The following TMEM117 variants were observed in gnomAD, a reference collection of about 807,000 sequenced individuals.
TMEM117 encodes transmembrane protein 117.
TMEM117 carries 27 observed loss-of-function variants against 52.4 expected under a neutral mutation model. The observed-to-expected ratio is 0.51, with a 90% CI of 0.38 to 0.71. The LOEUF is 0.71. Ranked by LOEUF, TMEM117 falls within the 30% of genes least tolerant of loss-of-function variation. The probability of loss-of-function intolerance (pLI) is 0.00; values close to 1 mark genes in which losing one functional copy is unlikely to be tolerated. For missense variants in TMEM117, 556 were observed against 630.5 expected (o/e 0.88, Z 1.26); for synonymous variants, 215 against 206.3 (o/e 1.04, Z -0.36).
intron 6 of TMEM117, among the ~76,000 whole-genome samples, chr12:44,364,146 C>A (rs934957145): frequency 6.6e-6 from 1 of 152,110 alleles, no homozygotes; most frequent in African/African-American, 2.4e-5. Context: ...TTCACATTTA[C>A]CTATGGTTCA....
intron 2 of TMEM117, among the ~76,000 whole-genome samples, chr12:43,906,247 G>A (rs554419656): frequency 1.3e-5 from 2 of 152,176 alleles, no homozygotes; most frequent in South Asian, 2.1e-4. Flanking sequence ...TGGATCTCTC[G>A]AGGTCTGGAG....
intron 5 of TMEM117, among the ~76,000 whole-genome samples, chr12:44,259,780 C>T (rs1950300373): frequency 6.6e-6 from 1 of 152,068 alleles, no homozygotes; most frequent in African/African-American, 2.4e-5. Flanking sequence ...AGAAAAAAAG[C>T]ATTTGAAACA....
chr12:44,153,395 G>T (rs774173561), intron 4 of TMEM117, among the ~76,000 whole-genome samples: 1 of 151,972 alleles, frequency 6.6e-6, no homozygotes. Context: ...TATAGACATA[G>T]ATTTTGGTTC....
At chr12:44,006,902 A>G (rs1412015870) in intron 3 of TMEM117, among the ~76,000 whole-genome samples, 1 of 152,216 alleles carries the variant, frequency 6.6e-6, no homozygotes, top group Non-Finnish European at 1.5e-5. Context: ...TAGAAGCCTC[A>G]TAATTTTGTA....
At chr12:43,994,791 T>G (rs756156658) in intron 3 of TMEM117, among the ~76,000 whole-genome samples, 3 of 152,110 alleles carry the variant, frequency 2.0e-5, no homozygotes, top group Non-Finnish European at 4.4e-5. Context: ...GAAAATGGTC[T>G]TCGTTGGACT....
intron 4 of TMEM117, among the ~76,000 whole-genome samples, chr12:44,175,332 A>G (rs891383649): frequency 2.0e-5 from 3 of 152,094 alleles, no homozygotes; most frequent in Admixed American, 2.0e-4. Context: ...GAAAATAGGG[A>G]GGAAGCAAGG....
rs548487304 is a variant in TMEM117 at position 44,197,916 on chromosome 12, A to G, written c.511-13374A>G. Among the ~76,000 whole-genome samples, 12 of 152,316 alleles carry G rather than the reference A, an allele frequency of 7.9e-5. No individual in the cohort carries two copies. The South Asian group carries it at 2.5e-3, about 32-fold the overall frequency. ...GATGCATTAATATTCATGCATTATG[A>G]AACCCTGGTTGTGCCTCTAAAAAGC... On this transcript the variant is annotated intron_variant, in intron 4 of 7. Transcript: ENST00000266534.
At chr12:43,936,044 G>A (rs1002439440) in intron 2 of TMEM117, among the ~76,000 whole-genome samples, 2 of 152,146 alleles carry the variant, frequency 1.3e-5, no homozygotes, top group East Asian at 3.9e-4. Context: ...AGGGAGCTTG[G>A]ATTTTATATT....
chr12:44,165,546 C>G (rs1006519988), intron 4 of TMEM117, among the ~76,000 whole-genome samples: 1 of 152,092 alleles, frequency 6.6e-6, no homozygotes, highest in East Asian at 1.9e-4. Flanking sequence ...ATACTCCACA[C>G]AAATGAAAAC....
intron 2 of TMEM117, among the ~76,000 whole-genome samples, chr12:43,904,869 C>T (rs1207218838): frequency 2.0e-5 from 3 of 152,180 alleles, no homozygotes; most frequent in Non-Finnish European, 4.4e-5. Flanking sequence ...TTTGGCTGGG[C>T]GTGGTGGCTC....
In TMEM117 at chr12:44,388,415, A is replaced by G; in HGVS notation, c.1288A>G (p.Thr430Ala). 1 of 1,613,456 alleles carries G rather than the reference A, an allele frequency of 6.2e-7. No individual in the cohort carries two copies. The highest frequency in any genetic ancestry group is 8.5e-7 in the Non-Finnish European group (1 of 1,179,676). Residue 430 changes from threonine (T) to alanine (A), a missense_variant, in exon 8 of 8, where the codon ACT (threonine) becomes GCT (alanine). Physicochemically the swap from Thr to Ala is moderately conservative, Grantham distance 58. Transcript: ENST00000266534. ...NEPRMENQDK[T>A]YTRMKRKSPS... ...GCCACGCATGGAGAATCAAGACAAA[A>G]CTTACACTCGCATGAAAAGAAAATC...
At chr12:44,136,522 A>T (rs73288085) in intron 3 of TMEM117, among the ~76,000 whole-genome samples, 4,644 of 152,200 alleles carry the variant, frequency 0.031, 159 homozygotes, top group African/African-American at 0.083. Context: ...CAACAAATGT[A>T]GTTTTACAGT....
chr12:43,971,001 T>C (rs1308766195), intron 3 of TMEM117, among the ~76,000 whole-genome samples: 1 of 152,182 alleles, frequency 6.6e-6, no homozygotes, highest in Non-Finnish European at 1.5e-5. Flanking sequence ...TTCACTTCTC[T>C]CACCCTACCC....
intron 4 of TMEM117, among the ~76,000 whole-genome samples, chr12:44,165,161 A>G (rs1432496242): frequency 6.6e-6 from 1 of 152,100 alleles, no homozygotes; most frequent in East Asian, 1.9e-4. Flanking sequence ...TTAGCTCCAC[A>G]TATGAGTGAC....
chr12:44,131,455 T>C (rs1948412238), intron 3 of TMEM117, among the ~76,000 whole-genome samples: 1 of 152,128 alleles, frequency 6.6e-6, no homozygotes, highest in Non-Finnish European at 1.5e-5. Context: ...GAATGTGCAT[T>C]CTGTAGTTGT....
At chr12:44,311,617 T>G (rs906341463) in intron 6 of TMEM117, among the ~76,000 whole-genome samples, 1 of 151,458 alleles carries the variant, frequency 6.6e-6, no homozygotes, top group Non-Finnish European at 1.5e-5. Context: ...CAACAGAAAT[T>G]GTAACAGAGA....
chr12:44,165,662 G>T (rs539103482), intron 4 of TMEM117, among the ~76,000 whole-genome samples: 17 of 152,264 alleles, frequency 1.1e-4, no homozygotes, highest in African/African-American at 4.1e-4. Context: ...GGTCAATTGA[G>T]CAAGAGGACT....
At chr12:44,308,607 G>C (rs1442363565) in intron 6 of TMEM117, among the ~76,000 whole-genome samples, 1 of 150,398 alleles carries the variant, frequency 6.6e-6, no homozygotes, top group African/African-American at 2.5e-5. Flanking sequence ...CTGATGGACT[G>C]ATTCTTTGTA....
At chr12:44,196,253 G>T (rs1359935008) in intron 4 of TMEM117, among the ~76,000 whole-genome samples, 2 of 151,810 alleles carry the variant, frequency 1.3e-5, no homozygotes, top group Non-Finnish European at 2.9e-5. Context: ...AAATATATTA[G>T]GAAGCAAATA....
Sources: gnomAD v4.1 joint callset for allele counts (sites outside exome capture counted in the v4.1 genomes callset) on GRCh38, gnomAD v4.1.1 for gene constraint, MANE v1.5 for transcripts, NCBI Gene and HGNC (gene_info 2026-07-23, HGNC 2026-07-21) for gene names.